The following MAP4K4 variants were observed in gnomAD, a reference collection of about 807,000 sequenced individuals.
MAP4K4 encodes HPK/GCK-like kinase HGK.
A neutral mutation model predicts 189.6 loss-of-function variants in MAP4K4; 38 were observed. That is an observed-to-expected ratio of 0.20 (90% CI 0.15 to 0.26). The LOEUF is 0.26. Among genes scored for constraint, MAP4K4 ranks in the 10% least tolerant of loss-of-function variants. The pLI, the probability that MAP4K4 is intolerant of heterozygous loss-of-function variation, is 1.00. For missense variants in MAP4K4, 1,054 were observed against 1,726.9 expected (o/e 0.61, Z 6.91); for synonymous variants, 610 against 624.3 (o/e 0.98, Z 0.34).
At chr2:101,883,472 C>T (rs946218352) in intron 28 of MAP4K4, among the ~76,000 whole-genome samples, 1 of 152,136 alleles carries the variant, frequency 6.6e-6, no homozygotes, top group African/African-American at 2.4e-5. Context: ...GTTGGGATTA[C>T]AGGCACCTTG....
Position 101,814,982 on chromosome 2 carries a change from G to T in MAP4K4, c.181-8946G>T, listed in dbSNP as rs534208671. 6.6e-5 allele frequency among the ~76,000 whole-genome samples: 10 copies of T among 152,284 alleles called. No individual in the cohort carries two copies. In the South Asian group the frequency reaches 2.1e-3, roughly 32 times the overall value. Reference sequence around the variant, plus strand: ...TGAGCTGTGTAAATACTAGCCATTGGCCTTGCCCTCTGAAGTCAGTGCTTC... The same window carrying T: ...TGAGCTGTGTAAATACTAGCCATTGTCCTTGCCCTCTGAAGTCAGTGCTTC... On this transcript the variant is annotated intron_variant, in intron 3 of 32. Coordinates refer to ENST00000324219, the Ensembl canonical transcript of MAP4K4.
chr2:101,768,547 C>CT (rs1288677504), intron 2 of MAP4K4, among the ~76,000 whole-genome samples: 1 of 152,076 alleles, frequency 6.6e-6, no homozygotes, highest in African/African-American at 2.4e-5. Flanking sequence ...CCACAGTCTA[C>CT]TTTTTTTTCT....
chr2:101,726,233 A>T (rs1482796286), intron 2 of MAP4K4, among the ~76,000 whole-genome samples: 1 of 152,248 alleles, frequency 6.6e-6, no homozygotes, highest in Non-Finnish European at 1.5e-5. Flanking sequence ...GTTCAGAATT[A>T]AAAAGGGTCT....
intron 26 of MAP4K4, 78 bp downstream of exon 26, chr2:101,874,330 G>A (rs2098136085): frequency 7.5e-7 from 1 of 1,332,792 alleles, no homozygotes; most frequent in African/African-American, 1.5e-5. Flanking sequence ...GTACTGCATT[G>A]AATAGTTTGT....
At chr2:101,758,668 G>T (rs575049889) in intron 2 of MAP4K4, among the ~76,000 whole-genome samples, 6 of 152,116 alleles carry the variant, frequency 3.9e-5, no homozygotes, top group Non-Finnish European at 8.8e-5. Context: ...GACTGATCCC[G>T]TAGCTTTCCT....
At chr2:101,754,792 T>C (rs2071422424) in intron 2 of MAP4K4, among the ~76,000 whole-genome samples, 3 of 152,200 alleles carry the variant, frequency 2.0e-5, no homozygotes, top group Admixed American at 2.0e-4. Flanking sequence ...CCTCAGCAGC[T>C]CCATGTTGGA....
Position 101,726,013 on chromosome 2 carries a change from C to T in MAP4K4, c.123+27475C>T, listed in dbSNP as rs189815469. On this transcript the variant is annotated intron_variant, in intron 2 of 32. Transcript: ENST00000324219. ...CTCCTGCATATCTAGTGCCCCCTGT[C>T]GGGGATCCTTTATTTGGAGTGTCTT... 3.5e-3 allele frequency among the ~76,000 whole-genome samples: 535 copies of T among 152,200 alleles called. 2 individuals are homozygous for T. Among genetic ancestry groups the T allele is most frequent in the African/African-American group, 0.012 (518 of 41,482 alleles).
At chr2:101,775,098 C>A (rs1264941163) in intron 2 of MAP4K4, among the ~76,000 whole-genome samples, 2 of 145,342 alleles carry the variant, frequency 1.4e-5, no homozygotes, top group Non-Finnish European at 3.0e-5. Context: ...GATTTTGTAG[C>A]AGTATTTCAG....
chr2:101,840,627 C>A (rs1435685658), intron 10 of MAP4K4, among the ~76,000 whole-genome samples: 1 of 152,312 alleles, frequency 6.6e-6, no homozygotes. Flanking sequence ...ACATCGTCAC[C>A]GTCTTTACTA....
chr2:101,819,697 TGATCACTGTATTTCTG>T (rs2095923912), intron 3 of MAP4K4, among the ~76,000 whole-genome samples: 1 of 152,248 alleles, frequency 6.6e-6, no homozygotes, highest in Non-Finnish European at 1.5e-5. Context: ...GACATTGATG[TGATCACTGTATTTCTG>T]GATGATATTT....
exon 32 of MAP4K4, chr2:101,888,806 A>T: frequency 6.2e-7 from 1 of 1,609,216 alleles, no homozygotes. Context: ...CATATATTCG[A>T]TCCAATCAGA....
intron 2 of MAP4K4, among the ~76,000 whole-genome samples, chr2:101,782,733 C>T (rs572703509): frequency 1.3e-5 from 2 of 152,210 alleles, no homozygotes; most frequent in Admixed American, 6.5e-5. Flanking sequence ...TTTAGAAGAC[C>T]GAGATGTTTC....
intron 2 of MAP4K4, among the ~76,000 whole-genome samples, chr2:101,709,749 T>C (rs2044375766): frequency 6.6e-6 from 1 of 152,168 alleles, no homozygotes. Context: ...AAATATGTTA[T>C]CTTTGGTCAG....
chr2:101,821,327 A>T (rs1257136890), intron 3 of MAP4K4, among the ~76,000 whole-genome samples: 2 of 152,188 alleles, frequency 1.3e-5, no homozygotes, highest in Non-Finnish European at 2.9e-5. Flanking sequence ...CGTTCTCAGA[A>T]ATGCATCATT....
At chr2:101,892,814 T>C (rs575177783) in exon 33 of MAP4K4, 19 of 429,804 alleles carry the variant, frequency 4.4e-5, no homozygotes, top group Non-Finnish European at 8.6e-5. Context: ...ATTTGTTTCA[T>C]GGCTTCATGG....
rs550587690 is a variant in MAP4K4, at chr2:101,725,546, A to G, written c.123+27008A>G. ...ATCTCATTTAAGACTGACGTGAATTACATCCCTTGCATAATCAAGCCTTTT... is the reference window on the plus strand; with the variant it reads ...ATCTCATTTAAGACTGACGTGAATTGCATCCCTTGCATAATCAAGCCTTTT... On this transcript the variant is annotated intron_variant, in intron 2 of 32. Transcript: ENST00000324219. 2.0e-4 allele frequency among the ~76,000 whole-genome samples: 30 copies of G among 152,350 alleles called. 1 individual carries two copies. Among genetic ancestry groups the G allele is most frequent in the Admixed American group, 9.8e-4 (15 of 15,296 alleles).
intron 16 of MAP4K4, 117 bp downstream of exon 16, chr2:101,861,103 A>G: frequency 1.1e-6 from 1 of 929,910 alleles, no homozygotes; most frequent in Non-Finnish European, 1.6e-6. Flanking sequence ...AGGAGAGATT[A>G]GCAGGAGTGA....
intron 2 of MAP4K4, among the ~76,000 whole-genome samples, chr2:101,718,211 G>A (rs1168716066): frequency 6.7e-6 from 1 of 150,036 alleles, no homozygotes; most frequent in Non-Finnish European, 1.5e-5. Flanking sequence ...AGCCAAGATC[G>A]CGCCATTGCA....
chr2:101,716,191 C>G (rs1173970626), intron 2 of MAP4K4, among the ~76,000 whole-genome samples: 1 of 152,200 alleles, frequency 6.6e-6, no homozygotes, highest in Non-Finnish European at 1.5e-5. Context: ...CGCCTGTAAT[C>G]CCAACACTTT....
Sources: gnomAD v4.1 joint callset for allele counts (sites outside exome capture counted in the v4.1 genomes callset) on GRCh38, gnomAD v4.1.1 for gene constraint, MANE v1.5 for transcripts, NCBI Gene and HGNC (gene_info 2026-07-23, HGNC 2026-07-21) for gene names.